ANTXR1: variants seen among roughly 807,000 people sequenced by gnomAD.
ANTXR1 encodes the protein ANTXR cell adhesion molecule 1.
ANTXR1 carries 19 observed loss-of-function variants against 78.1 expected under a neutral mutation model. The ratio of observed to expected loss-of-function variants is 0.24; its 90% CI spans 0.17 to 0.36. The LOEUF (loss-of-function observed/expected upper bound fraction) is 0.36. Ranked by LOEUF, ANTXR1 falls within the 10% of genes least tolerant of loss-of-function variation. ANTXR1 has a pLI of 1.00. For missense variants in ANTXR1, 518 were observed against 718.6 expected, an observed-to-expected ratio of 0.72 and a Z score of 3.19; for synonymous variants, 273 against 260.5, an observed-to-expected ratio of 1.05 and a Z score of -0.46.
chr2:69,180,833 G>A (rs189663949), intron 14 of ANTXR1, among the ~76,000 whole-genome samples: 14 of 152,272 alleles, frequency 9.2e-5, no homozygotes, highest in South Asian at 4.1e-4. Context: ...AAGAGACCGC[G>A]GCTACTTTAG....
intron 13 of ANTXR1, among the ~76,000 whole-genome samples, chr2:69,162,716 C>A (rs1673714055): frequency 6.6e-6 from 1 of 152,152 alleles, no homozygotes; most frequent in Non-Finnish European, 1.5e-5. Flanking sequence ...ATTCCCTTTG[C>A]TCTGTCCAAA....
Position 69,230,700 on chromosome 2 carries a change from T to C in ANTXR1, c.1435-14525T>C, listed in dbSNP as rs369831840. The stretch of plus-strand genomic sequence containing the variant: ...ATGTCATAGGCTCAGCTTACACAAG[T>C]AAGCATGCACAAGTGTGTAAATAGG... On this transcript the variant is annotated intron_variant, in intron 17 of 17. Coordinates refer to ENST00000303714, the MANE Select transcript of ANTXR1 (RefSeq NM_032208.3). Among the ~76,000 whole-genome samples the C allele has an allele frequency of 2.6e-5, 4 of 152,300 alleles. No homozygotes were observed. In the East Asian group the frequency reaches 5.8e-4, roughly 22 times the overall value.
At chr2:69,137,783 CAAAAAA>C (rs1277649788) in intron 12 of ANTXR1, among the ~76,000 whole-genome samples, 86 of 87,060 alleles carry the variant, frequency 9.9e-4, no homozygotes, top group Admixed American at 1.8e-3. Context: ...GACCCTGTCT[CAAAAAA>C]AAAAAAAAAA....
rs551293027 is a variant in ANTXR1 at position 69,239,764 on chromosome 2, C to T, written c.1435-5461C>T. Among the ~76,000 whole-genome samples the T allele has an allele frequency of 2.0e-4, 30 of 152,268 alleles. No homozygotes were observed. The South Asian group carries it at 5.4e-3, about 27-fold the overall frequency. ...AACCCACAAGGCAGACCACAGCCCC[C>T]AGCACCAGTGTCCTGTCTCTAAATG... On this transcript the variant is annotated intron_variant, in intron 17 of 17. Transcript: ENST00000303714.
chr2:69,248,345 G>C lies in ANTXR1; in HGVS notation c.*2860G>C, dbSNP rs1444161289. The C allele has an allele frequency of 6.1e-6, 1 of 164,872 alleles. No individual in the cohort carries two copies. The highest frequency in any genetic ancestry group is 6.5e-5 in the Admixed American group (1 of 15,284). 10.2% of individuals were successfully genotyped at this position (164,872 alleles called of 1,614,324 possible). On this transcript the variant is annotated 3_prime_UTR_variant, in exon 18 of 18. Transcript: ENST00000303714. Reference sequence around the variant, plus strand: ...ATTATAAAGCCGATGATATTTCATGGCAGGTTATTCTACCAAGCTGTGCTT... The same window carrying C: ...ATTATAAAGCCGATGATATTTCATGCCAGGTTATTCTACCAAGCTGTGCTT...
At chr2:69,222,748 A>G (rs759626798) in intron 17 of ANTXR1, among the ~76,000 whole-genome samples, 3 of 152,194 alleles carry the variant, frequency 2.0e-5, no homozygotes, top group Non-Finnish European at 4.4e-5. Context: ...CTTGCATATC[A>G]AGAAGAGAAA....
chr2:69,223,951 A>G (rs888060293), intron 17 of ANTXR1, among the ~76,000 whole-genome samples: 2 of 152,158 alleles, frequency 1.3e-5, no homozygotes, highest in Non-Finnish European at 1.5e-5. Flanking sequence ...AGAGTTTTCA[A>G]CTCTGGCATA....
intron 17 of ANTXR1, among the ~76,000 whole-genome samples, chr2:69,204,557 A>G (rs1558644081): frequency 6.6e-6 from 1 of 152,168 alleles, no homozygotes; most frequent in Non-Finnish European, 1.5e-5. Context: ...AGGAAAGATG[A>G]GGCTCAGATA....
chr2:69,143,273 T>C (rs994054600), intron 12 of ANTXR1, among the ~76,000 whole-genome samples: 6 of 152,006 alleles, frequency 3.9e-5, no homozygotes, highest in African/African-American at 1.2e-4. Flanking sequence ...AGGGGCAGAT[T>C]TGAGAAGTAT....
At chr2:69,119,448 G>A (rs944986780) in intron 10 of ANTXR1, among the ~76,000 whole-genome samples, 3 of 152,236 alleles carry the variant, frequency 2.0e-5, no homozygotes, top group South Asian at 2.1e-4. Flanking sequence ...CCATGGCCAC[G>A]AGGAAATAAA....
intron 9 of ANTXR1, among the ~76,000 whole-genome samples, chr2:69,097,219 T>C (rs569935541): frequency 6.6e-6 from 1 of 152,332 alleles, no homozygotes; most frequent in Non-Finnish European, 1.5e-5. Flanking sequence ...ATGTGCTATG[T>C]AAGCAAGGAT....
chr2:69,166,035 C>T (rs893904468), intron 13 of ANTXR1, among the ~76,000 whole-genome samples: 2 of 152,212 alleles, frequency 1.3e-5, no homozygotes, highest in African/African-American at 2.4e-5. Context: ...AGGCATGAAA[C>T]AGGCCCTGAG....
At position 69,110,653 on chromosome 2, in the gene ANTXR1, G is replaced by T. The variant is rs554065582; in HGVS notation, c.802+7713G>T. Reference sequence around the variant, plus strand: ...GCGGGCGGATCACAAGGTCTCCGGAGATGGAGACCATCCTGGCTAACACGG... The same window carrying T: ...GCGGGCGGATCACAAGGTCTCCGGATATGGAGACCATCCTGGCTAACACGG... On this transcript the variant is annotated intron_variant, in intron 10 of 17. Coordinates refer to ENST00000303714, the MANE Select transcript of ANTXR1 (RefSeq NM_032208.3). Among the ~76,000 whole-genome samples the T allele has an allele frequency of 4.0e-3, 609 of 152,246 alleles. 3 individuals are homozygous for T. The highest frequency in any genetic ancestry group is 0.014 in the African/African-American group (581 of 41,542).
chr2:69,220,655 CAT>C (rs1253149499), intron 17 of ANTXR1, among the ~76,000 whole-genome samples: 3 of 152,204 alleles, frequency 2.0e-5, no homozygotes, highest in Non-Finnish European at 4.4e-5. Context: ...CTTTTCAAAA[CAT>C]ATATTCTCTA....
chr2:69,238,621 A>T (rs1177178529), intron 17 of ANTXR1, among the ~76,000 whole-genome samples: 8 of 152,202 alleles, frequency 5.3e-5, no homozygotes, highest in Non-Finnish European at 1.2e-4. Flanking sequence ...TAAGTTAGAA[A>T]CTATGCTCAT....
intron 14 of ANTXR1, chr2:69,172,268 T>A (rs1380565060): frequency 1.0e-5 from 10 of 957,450 alleles, no homozygotes; most frequent in Non-Finnish European, 1.5e-5. Flanking sequence ...ATTGTACTTT[T>A]TAGCATCAGG....
At chr2:69,142,926 T>A (rs545081250) in intron 12 of ANTXR1, among the ~76,000 whole-genome samples, 17 of 152,162 alleles carry the variant, frequency 1.1e-4, no homozygotes, top group Admixed American at 1.3e-4. Flanking sequence ...AGGGATTTCA[T>A]GGACCCCCTG....
chr2:69,021,445 G>T (rs73934650), intron 1 of ANTXR1, among the ~76,000 whole-genome samples: 3,565 of 152,288 alleles, frequency 0.023, 132 homozygotes, highest in African/African-American at 0.081. Context: ...TATACTACAT[G>T]TCTGATAGGA....
chr2:69,199,384 G>A (rs1340027197), intron 17 of ANTXR1, among the ~76,000 whole-genome samples: 5 of 152,108 alleles, frequency 3.3e-5, no homozygotes, highest in African/African-American at 1.2e-4. Context: ...GGGGTCCTAG[G>A]CAATATTTCT....
Sources: allele counts gnomAD v4.1 joint callset (sites outside exome capture counted in the v4.1 genomes callset), GRCh38; gene constraint gnomAD v4.1.1; transcripts MANE v1.5; gene names NCBI Gene and HGNC (gene_info 2026-07-23, HGNC 2026-07-21).